The following PPARGC1A variants were observed in gnomAD, a reference collection of about 807,000 sequenced individuals.
The protein encoded by PPARGC1A is peroxisome proliferator-activated receptor gamma coactivator 1-alpha.
Under a neutral mutation model 88.7 loss-of-function variants are expected in PPARGC1A, and 25 were observed. The ratio of observed to expected loss-of-function variants is 0.28; its 90% CI spans 0.21 to 0.39. The LOEUF is 0.39. Ranked by LOEUF, PPARGC1A falls within the 10% of genes least tolerant of loss-of-function variation. PPARGC1A has a pLI of 1.00. For missense variants in PPARGC1A, 880 were observed against 968.7 expected, an observed-to-expected ratio of 0.91 and a Z score of 1.22; for synonymous variants, 363 against 355.6, an observed-to-expected ratio of 1.02 and a Z score of -0.24.
the PPARGC1A span, among the ~76,000 whole-genome samples, chr4:23,998,973 G>C: frequency 2.0e-5 from 3 of 152,206 alleles, no homozygotes; most frequent in African/African-American, 7.2e-5. Flanking sequence ...TACGTGTCAT[G>C]CACATTGAGA....
chr4:24,185,399 TA>T, the PPARGC1A span, among the ~76,000 whole-genome samples: 2 of 152,168 alleles, frequency 1.3e-5, no homozygotes, highest in African/African-American at 4.8e-5. Context: ...GGAATTTTCC[TA>T]AAAGAAAAGA....
the PPARGC1A span, among the ~76,000 whole-genome samples, chr4:24,205,533 A>G: frequency 6.6e-6 from 1 of 152,216 alleles, no homozygotes; most frequent in Non-Finnish European, 1.5e-5. Flanking sequence ...TATTTAGCAG[A>G]GAATTTGTTA....
the PPARGC1A span, among the ~76,000 whole-genome samples, chr4:24,348,052 C>A: frequency 6.6e-6 from 1 of 152,166 alleles, no homozygotes; most frequent in Non-Finnish European, 1.5e-5. Flanking sequence ...CTGTATCTTT[C>A]TGTCATATAT....
intron 7 of PPARGC1A, among the ~76,000 whole-genome samples, chr4:23,815,964 G>T (rs1279965026): frequency 6.6e-6 from 1 of 152,128 alleles, no homozygotes; most frequent in Non-Finnish European, 1.5e-5. Flanking sequence ...AAAGCCACAT[G>T]AGATTTTGAT....
the PPARGC1A span, among the ~76,000 whole-genome samples, chr4:23,989,641 G>A: frequency 6.6e-6 from 1 of 151,944 alleles, no homozygotes; most frequent in Non-Finnish European, 1.5e-5. Context: ...CTTTACCACT[G>A]GCATGGTTGT....
chr4:23,973,901 T>C, the PPARGC1A span, among the ~76,000 whole-genome samples: 3 of 151,830 alleles, frequency 2.0e-5, no homozygotes, highest in Non-Finnish European at 4.4e-5. Context: ...GGTCAGCATA[T>C]GGTGGGCTAC....
At chr4:23,973,274 A>G in the PPARGC1A span, among the ~76,000 whole-genome samples, 242 of 152,356 alleles carry the variant, frequency 1.6e-3, 3 homozygotes, top group African/African-American at 5.1e-3. Context: ...CAGGTTCTCA[A>G]TTCTTTCCTG....
chr4:24,323,004 C>T, the PPARGC1A span, among the ~76,000 whole-genome samples: 1 of 152,144 alleles, frequency 6.6e-6, no homozygotes, highest in African/African-American at 2.4e-5. Flanking sequence ...CATCCATCAT[C>T]AAAAAACAAT....
At chr4:24,279,418 G>A in the PPARGC1A span, among the ~76,000 whole-genome samples, 1 of 152,270 alleles carries the variant, frequency 6.6e-6, no homozygotes, top group South Asian at 2.1e-4. Flanking sequence ...GGTTGGAGCT[G>A]GAGAAATAGA....
chr4:24,036,670 A>G, the PPARGC1A span, among the ~76,000 whole-genome samples: 2 of 152,164 alleles, frequency 1.3e-5, no homozygotes, highest in Admixed American at 6.5e-5. Flanking sequence ...TCTGTGAAGT[A>G]TAAGAACAGA....
chr4:24,057,100 A>C, the PPARGC1A span, among the ~76,000 whole-genome samples: 2 of 152,238 alleles, frequency 1.3e-5, no homozygotes, highest in Non-Finnish European at 2.9e-5. Flanking sequence ...CACAAATACA[A>C]TGAAATATTA....
chr4:24,213,189 C>T, the PPARGC1A span, among the ~76,000 whole-genome samples: 1 of 129,264 alleles, frequency 7.7e-6, no homozygotes, highest in South Asian at 2.5e-4. Flanking sequence ...TTTTTTGAGA[C>T]AGAGCCTTGC....
chr4:24,470,926 T>G, the PPARGC1A span, among the ~76,000 whole-genome samples: 1 of 151,666 alleles, frequency 6.6e-6, no homozygotes. The surrounding 1 kb of genome is among the most constrained non-coding windows in gnomAD (Gnocchi z 5.8). Context: ...CTTGGGGTGA[T>G]GCGGAGGCGG....
At chr4:24,446,441 T>C in the PPARGC1A span, among the ~76,000 whole-genome samples, 4 of 152,098 alleles carry the variant, frequency 2.6e-5, no homozygotes, top group African/African-American at 9.7e-5. Flanking sequence ...TCTTTTGCCA[T>C]TGAGTTGTAG....
intron 7 of PPARGC1A, among the ~76,000 whole-genome samples, chr4:23,817,128 A>C (rs1445669210): frequency 6.6e-6 from 1 of 152,134 alleles, no homozygotes; most frequent in African/African-American, 2.4e-5. Context: ...AGAAACCTTA[A>C]ACTTCAGGAA....
the PPARGC1A span, among the ~76,000 whole-genome samples, chr4:24,421,679 T>G: frequency 2.0e-5 from 3 of 152,200 alleles, no homozygotes; most frequent in Non-Finnish European, 4.4e-5. Context: ...CAGCCCCTGC[T>G]GTGAGTCCTT....
the PPARGC1A span, among the ~76,000 whole-genome samples, chr4:23,938,981 G>T: frequency 6.6e-6 from 1 of 152,210 alleles, no homozygotes; most frequent in Non-Finnish European, 1.5e-5. Context: ...CTCTTGCTCA[G>T]ATGCTCAACA....
the PPARGC1A span, among the ~76,000 whole-genome samples, chr4:24,156,291 G>A: frequency 6.6e-6 from 1 of 152,020 alleles, no homozygotes; most frequent in African/African-American, 2.4e-5. Flanking sequence ...CCACCCCCGG[G>A]TGTTTCTCCC....
chr4:24,310,460 T>G, the PPARGC1A span, among the ~76,000 whole-genome samples: 1 of 152,188 alleles, frequency 6.6e-6, no homozygotes, highest in African/African-American at 2.4e-5. Context: ...AGGAGCAATT[T>G]TATGGTTCGT....
Sources: gnomAD v4.1 joint callset for allele counts (sites outside exome capture counted in the v4.1 genomes callset) on GRCh38, gnomAD v4.1.1 for gene constraint, Gnocchi (gnomAD v3.1) non-coding constraint, MANE v1.5 for transcripts, NCBI Gene and HGNC (gene_info 2026-07-23, HGNC 2026-07-21) for gene names.